The following DCAF8L2 variants were observed in gnomAD, a reference collection of about 807,000 sequenced individuals.
DCAF8L2 encodes DDB1- and CUL4-associated factor 8-like protein 2.
For missense variants in DCAF8L2, 430 were observed against 490.7 expected (o/e 0.88, Z 1.17); for synonymous variants, 200 against 190.9 (o/e 1.05, Z -0.39).
the DCAF8L2 span, among the ~76,000 whole-genome samples, chrX:27,514,900 G>T: frequency 4.5e-5 from 5 of 110,344 alleles, no homozygotes; most frequent in Admixed American, 9.7e-5. Context: ...GAAAGGAGAG[G>T]GGGAATGGAA....
intron 2 of DCAF8L2, among the ~76,000 whole-genome samples, chrX:27,667,814 C>G (rs1485658836): frequency 8.9e-6 from 1 of 112,086 alleles, no homozygotes; most frequent in Non-Finnish European, 1.9e-5. Flanking sequence ...ATAATCATTA[C>G]CATACTGATT....
chrX:27,659,142 TGAACTTTCTCCC>T (rs1374374137), intron 2 of DCAF8L2, among the ~76,000 whole-genome samples: 1 of 111,946 alleles, frequency 8.9e-6, no homozygotes, highest in Non-Finnish European at 1.9e-5. Context: ...TGCAAGAGAA[TGAACTTTCTCCC>T]ACATGGCTGT....
chrX:27,676,828 A>G (rs887397820), intron 2 of DCAF8L2: 2 of 111,721 alleles, frequency 1.8e-5, no homozygotes, highest in Non-Finnish European at 3.8e-5. Context: ...AACTAGAAGT[A>G]GTTTGCATCC....
Position 27,748,885 on chromosome X carries a change from T to C in DCAF8L2, c.*94T>C, listed in dbSNP as rs148305104. On this transcript the variant is annotated 3_prime_UTR_variant, in exon 5 of 5. Transcript: ENST00000451261. Reference sequence around the variant, plus strand: ...TTAGAATTGTCAATAGATTAATAGATTTGCTTTTTGTCTTCTATTTTCCAT... The same window carrying C: ...TTAGAATTGTCAATAGATTAATAGACTTGCTTTTTGTCTTCTATTTTCCAT... 1,598 of 999,879 alleles carry C rather than the reference T, an allele frequency of 1.6e-3. 18 individuals are homozygous for C. In the African/African-American group the frequency reaches 0.028, roughly 17 times the overall value. The allele number at this position is 999,879 out of a possible 1,213,427, so 82.4% of individuals were successfully genotyped here.
the DCAF8L2 span, among the ~76,000 whole-genome samples, chrX:27,478,820 A>AAATTAGAC: frequency 8.9e-6 from 1 of 112,201 alleles, no homozygotes; most frequent in South Asian, 3.7e-4. Context: ...AAGATAACTA[A>AAATTAGAC]AATTAGACAA....
At chrX:27,493,707 AAAAAAAAAAAAAAAAAG>A in the DCAF8L2 span, among the ~76,000 whole-genome samples, 3 of 45,469 alleles carry the variant, frequency 6.6e-5, no homozygotes, top group African/African-American at 1.1e-4. Context: ...ACTCCATCTC[AAAAAAAAAAAAAAAAAG>A]AAAAAAAAAA....
chrX:27,533,224 AAGAAAGAAAG>A, the DCAF8L2 span, among the ~76,000 whole-genome samples: 487 of 41,616 alleles, frequency 0.012, 17 homozygotes, highest in East Asian at 0.03. Context: ...GAAAGAAAGA[AAGAAAGAAAG>A]AGAAAGAAAG....
chrX:27,702,269 C>T (rs1931154509), intron 3 of DCAF8L2, among the ~76,000 whole-genome samples: 1 of 107,183 alleles, frequency 9.3e-6, no homozygotes, highest in Admixed American at 1.0e-4. Flanking sequence ...TAAATTCTAC[C>T]AAACAATGAA....
At chrX:27,670,120 GT>G (rs201417914) in intron 2 of DCAF8L2, among the ~76,000 whole-genome samples, 37 of 100,238 alleles carry the variant, frequency 3.7e-4, no homozygotes, top group African/African-American at 7.9e-4. Flanking sequence ...TTTTTTGTTT[GT>G]TTTTTTTTTT....
chrX:27,482,140 G>A, the DCAF8L2 span, among the ~76,000 whole-genome samples: 5 of 110,730 alleles, frequency 4.5e-5, no homozygotes, highest in Admixed American at 1.9e-4. Flanking sequence ...AATTTAAATC[G>A]AGTTATGCCT....
At position 27,623,400 on chromosome X, in the gene DCAF8L2, G is replaced by A. The variant is rs1182835724; in HGVS notation, c.-341-8479G>A. Among the ~76,000 whole-genome samples, 4 of 111,193 alleles carry A rather than the reference G, an allele frequency of 3.6e-5. No individual in the cohort carries two copies. The Admixed American group carries it at 3.8e-4, about 11-fold the overall frequency. On this transcript the variant is annotated intron_variant, in intron 1 of 4. Transcript: ENST00000451261. ...ACTGTAAACCTAAAAAGTCATACTGGAAATACTGCATAAATGGAAAAAAAA... is the reference window on the plus strand; with the variant it reads ...ACTGTAAACCTAAAAAGTCATACTGAAAATACTGCATAAATGGAAAAAAAA...
the DCAF8L2 span, among the ~76,000 whole-genome samples, chrX:27,550,339 A>G: frequency 1.8e-5 from 2 of 111,591 alleles, no homozygotes; most frequent in Non-Finnish European, 3.8e-5. Flanking sequence ...TTGTATAATG[A>G]TTAAATCAGA....
At chrX:27,620,309 C>T (rs1486042277) in intron 1 of DCAF8L2, among the ~76,000 whole-genome samples, 1 of 111,313 alleles carries the variant, frequency 9.0e-6, no homozygotes, top group Non-Finnish European at 1.9e-5. Flanking sequence ...AAAATATAGC[C>T]AGAGGATACA....
At chrX:27,506,454 T>C in the DCAF8L2 span, among the ~76,000 whole-genome samples, 1 of 111,564 alleles carries the variant, frequency 9.0e-6, no homozygotes, top group Non-Finnish European at 1.9e-5. Context: ...AAATTTATCG[T>C]CTTAAAATTC....
intron 1 of DCAF8L2, among the ~76,000 whole-genome samples, chrX:27,613,716 G>T (rs1248950856): frequency 9.0e-6 from 1 of 111,227 alleles, no homozygotes. Context: ...TAATCATGTG[G>T]TTTTTGTCTT....
the DCAF8L2 span, among the ~76,000 whole-genome samples, chrX:27,541,811 A>C: frequency 9.0e-6 from 1 of 111,340 alleles, no homozygotes; most frequent in Non-Finnish European, 1.9e-5. Flanking sequence ...CACAGTACCA[A>C]ATAGGTTGTT....
the DCAF8L2 span, among the ~76,000 whole-genome samples, chrX:27,502,335 A>AAAAATATATATAT: frequency 7.9e-5 from 1 of 12,718 alleles, no homozygotes; most frequent in Non-Finnish European, 1.5e-4. Context: ...AAAAAAAAAA[A>AAAAATATATATAT]ATATATATAT....
the DCAF8L2 span, among the ~76,000 whole-genome samples, chrX:27,559,459 C>T: frequency 8.9e-6 from 1 of 112,129 alleles, no homozygotes; most frequent in Admixed American, 9.4e-5. Flanking sequence ...TTGCCACCAA[C>T]AAGTTGCTTG....
At chrX:27,631,137 C>T (rs1928271153) in intron 1 of DCAF8L2, among the ~76,000 whole-genome samples, 1 of 111,515 alleles carries the variant, frequency 9.0e-6, no homozygotes, top group African/African-American at 3.3e-5. Context: ...GAAATTAATA[C>T]TAAAAATCAC....
Sources: gnomAD v4.1 joint callset for allele counts (sites outside exome capture counted in the v4.1 genomes callset) on GRCh38, gnomAD v4.1.1 for gene constraint, MANE v1.5 for transcripts, NCBI Gene and HGNC (gene_info 2026-07-23, HGNC 2026-07-21) for gene names.